The following CSMD1 variants were observed in gnomAD, a reference collection of about 807,000 sequenced individuals.
The protein encoded by CSMD1 is CUB and sushi domain-containing protein 1.
A neutral mutation model predicts 417.5 loss-of-function variants in CSMD1; 213 were observed. The ratio of observed to expected loss-of-function variants is 0.51; its 90% confidence interval spans 0.46 to 0.57. The LOEUF (loss-of-function observed/expected upper bound fraction) is 0.57, where lower values mean the gene tolerates loss of function less well. CSMD1 is among the 20% of genes least tolerant of loss of function. The probability of loss-of-function intolerance (pLI) is 0.00; values close to 1 mark genes in which losing one functional copy is unlikely to be tolerated. For missense variants in CSMD1, 6,923 were observed against 4,529.7 expected (o/e 1.53, Z -15.17); for synonymous variants, 2,862 against 1,736.8 (o/e 1.65, Z -16.11).
intron 1 of CSMD1, among the ~76,000 whole-genome samples, chr8:4,838,265 A>G (rs1279260989): frequency 6.6e-6 from 1 of 152,218 alleles, no homozygotes; most frequent in Non-Finnish European, 1.5e-5. Context: ...CTGAGCAAGT[A>G]GTGTCAAAGT....
At chr8:4,643,265 G>A (rs1399360928) in intron 1 of CSMD1, among the ~76,000 whole-genome samples, 1 of 152,094 alleles carries the variant, frequency 6.6e-6, no homozygotes, top group Non-Finnish European at 1.5e-5. Context: ...TACACTCAGG[G>A]GCAGTGTCGA....
chr8:4,124,148 T>G (rs1802635382), intron 3 of CSMD1, among the ~76,000 whole-genome samples: 1 of 151,976 alleles, frequency 6.6e-6, no homozygotes, highest in Admixed American at 6.5e-5. Flanking sequence ...AATGTTGTCC[T>G]AAAACAGTCT....
chr8:3,112,451 G>A (rs1816575641), intron 42 of CSMD1, among the ~76,000 whole-genome samples: 1 of 152,188 alleles, frequency 6.6e-6, no homozygotes, highest in Non-Finnish European at 1.5e-5. Context: ...CAAAAGAAAT[G>A]AGGTGGTGAT....
intron 5 of CSMD1, among the ~76,000 whole-genome samples, chr8:3,834,926 T>A (rs12677933): frequency 0.13 from 19,817 of 151,828 alleles, 1,353 homozygotes; most frequent in East Asian, 0.17. Context: ...CAGACACTTC[T>A]CAAAAGAAGA....
intron 2 of CSMD1, among the ~76,000 whole-genome samples, chr8:4,597,575 A>G (rs1233385401): frequency 6.6e-6 from 1 of 152,164 alleles, no homozygotes; most frequent in East Asian, 1.9e-4. Flanking sequence ...CAATGCAACA[A>G]AAAAAGAAAT....
chr8:3,064,606 G>A (rs528440539), intron 49 of CSMD1, among the ~76,000 whole-genome samples: 1 of 152,150 alleles, frequency 6.6e-6, no homozygotes, highest in Non-Finnish European at 1.5e-5. Context: ...AAATAAAGAA[G>A]AAATAAACAT....
At chr8:4,827,642 T>C (rs1008430366) in intron 1 of CSMD1, among the ~76,000 whole-genome samples, 58 of 152,298 alleles carry the variant, frequency 3.8e-4, no homozygotes, top group African/African-American at 1.3e-3. Flanking sequence ...TCTTTAGGAA[T>C]TCCCAGCTTC....
At chr8:3,302,998 G>T (rs1349926312) in intron 25 of CSMD1, among the ~76,000 whole-genome samples, 1 of 152,228 alleles carries the variant, frequency 6.6e-6, no homozygotes, top group Non-Finnish European at 1.5e-5. Context: ...GGGGTCTGGA[G>T]TAGCAGCCAT....
chr8:3,959,012 A>G (rs1311616644), intron 5 of CSMD1, among the ~76,000 whole-genome samples: 1 of 151,782 alleles, frequency 6.6e-6, no homozygotes, highest in Non-Finnish European at 1.5e-5. Flanking sequence ...CCTCCTCCCT[A>G]CTCTGCGGCG....
chr8:3,986,225 T>G (rs1393643713), intron 5 of CSMD1, among the ~76,000 whole-genome samples: 1 of 152,180 alleles, frequency 6.6e-6, no homozygotes, highest in East Asian at 1.9e-4. Context: ...AGACACCAGA[T>G]GGAGGAAGAG....
chr8:4,270,778 G>A (rs752260494), intron 3 of CSMD1, among the ~76,000 whole-genome samples: 1 of 152,164 alleles, frequency 6.6e-6, no homozygotes, highest in Admixed American at 6.5e-5. Context: ...GCACCCCCCA[G>A]GGGGCTGTGG....
At chr8:3,227,539 A>G (rs1389498442) in intron 27 of CSMD1, among the ~76,000 whole-genome samples, 11 of 152,190 alleles carry the variant, frequency 7.2e-5, no homozygotes, top group African/African-American at 2.4e-4. Context: ...AAAGGTTAAA[A>G]CAACTTAATT....
At chr8:3,518,404 T>G (rs1420783073) in intron 10 of CSMD1, among the ~76,000 whole-genome samples, 3 of 152,168 alleles carry the variant, frequency 2.0e-5, no homozygotes, top group Non-Finnish European at 4.4e-5. Context: ...GCCATTGTAT[T>G]TAGAAATAGA....
intron 1 of CSMD1, among the ~76,000 whole-genome samples, chr8:4,908,760 T>G (rs1371066465): frequency 6.6e-6 from 1 of 152,072 alleles, no homozygotes; most frequent in African/African-American, 2.4e-5. Context: ...ATGCTTAGAG[T>G]TTTCATGTTT....
intron 3 of CSMD1, among the ~76,000 whole-genome samples, chr8:4,255,825 T>G (rs1585107154): frequency 6.6e-6 from 1 of 152,228 alleles, no homozygotes; most frequent in South Asian, 2.1e-4. Flanking sequence ...CTGGCTGGCC[T>G]TGGCCTTGCC....
chr8:4,029,093 TA>T (rs1451264019), intron 4 of CSMD1, among the ~76,000 whole-genome samples: 1 of 152,004 alleles, frequency 6.6e-6, no homozygotes, highest in African/African-American at 2.4e-5. Flanking sequence ...ATATACACAT[TA>T]AATGGTCAAG....
intron 3 of CSMD1, among the ~76,000 whole-genome samples, chr8:4,063,006 A>T (rs1243432551): frequency 2.6e-5 from 4 of 152,322 alleles, no homozygotes; most frequent in African/African-American, 9.6e-5. Context: ...ACTTATTAAG[A>T]GATACTGTTA....
At chr8:4,727,277 G>A (rs1372624056) in intron 1 of CSMD1, among the ~76,000 whole-genome samples, 2 of 152,118 alleles carry the variant, frequency 1.3e-5, no homozygotes, top group Non-Finnish European at 2.9e-5. Context: ...ATGTCTACCG[G>A]TGAAGTCTGT....
At chr8:4,209,910 G>A (rs1342726030) in intron 3 of CSMD1, among the ~76,000 whole-genome samples, 1 of 152,196 alleles carries the variant, frequency 6.6e-6, no homozygotes, top group Non-Finnish European at 1.5e-5. Flanking sequence ...TGGTCTCCAT[G>A]GAAAGCGGTG....
Sources: gnomAD v4.1 joint callset for allele counts (sites outside exome capture counted in the v4.1 genomes callset) on GRCh38, gnomAD v4.1.1 for gene constraint, MANE v1.5 for transcripts, NCBI Gene and HGNC (gene_info 2026-07-23, HGNC 2026-07-21) for gene names.